Variants in CRB1 observed in about 807,000 individuals in gnomAD.
CRB1 encodes crumbs cell polarity complex component 1.
A neutral mutation model predicts 120.0 loss-of-function variants in CRB1; 83 were observed. That is an observed-to-expected ratio of 0.69 (90% confidence interval 0.58 to 0.83). The LOEUF is 0.83. Among genes scored for constraint, CRB1 ranks in the 40% least tolerant of loss-of-function variants. The pLI is 0.00. For missense variants in CRB1, 1,699 were observed against 1,687.6 expected, an observed-to-expected ratio of 1.01 and a Z score of -0.12; for synonymous variants, 625 against 612.5, an observed-to-expected ratio of 1.02 and a Z score of -0.30.
At chr1:197,349,431 C>G (rs1010827343) in intron 4 of CRB1, among the ~76,000 whole-genome samples, 3 of 152,184 alleles carry the variant, frequency 2.0e-5, no homozygotes, top group African/African-American at 7.2e-5. Context: ...ACAGCATCTC[C>G]TATCTCCTCT....
chr1:197,374,253 G>A (rs1319219129), intron 5 of CRB1, among the ~76,000 whole-genome samples: 1 of 152,132 alleles, frequency 6.6e-6, no homozygotes, highest in African/African-American at 2.4e-5. Context: ...ACAGCCACCA[G>A]AAAACCATAC....
chr1:197,273,683 G>C (rs1655029174), intron 1 of CRB1, among the ~76,000 whole-genome samples: 1 of 151,482 alleles, frequency 6.6e-6, no homozygotes, highest in Non-Finnish European at 1.5e-5. Flanking sequence ...ATTTTATTTT[G>C]TTACTCAAAT....
At chr1:197,210,502 A>G in the CRB1 span, among the ~76,000 whole-genome samples, 1 of 152,028 alleles carries the variant, frequency 6.6e-6, no homozygotes, top group East Asian at 1.9e-4. Context: ...ATCATCTCTT[A>G]CCAGGATTTC....
rs1050404303 is a variant in CRB1 at position 197,329,024 on chromosome 1, A to T, written c.652+21A>T. ...TTCTGGTAAGTGTGATCATATCTGA[A>T]TCACAGATGGTGTAGTTAGCTCTTT... On this transcript the variant is annotated intron_variant, in intron 2 of 11. Transcript: ENST00000367400. 1.9e-6 allele frequency: 3 copies of T among 1,584,776 alleles called. No homozygotes were observed. In the Admixed American group the frequency reaches 5.0e-5, roughly 26 times the overall value.
intron 5 of CRB1, among the ~76,000 whole-genome samples, chr1:197,376,776 TGA>T (rs937939805): frequency 3.8e-4 from 58 of 152,290 alleles, no homozygotes; most frequent in African/African-American, 1.4e-3. Flanking sequence ...TCAGATCATG[TGA>T]GTCTTCCATT....
At chr1:197,314,938 T>G (rs1175786181) in intron 1 of CRB1, among the ~76,000 whole-genome samples, 2 of 152,232 alleles carry the variant, frequency 1.3e-5, no homozygotes, top group African/African-American at 4.8e-5. Context: ...AGTGGCTCTT[T>G]CTTCTCTGGT....
chr1:197,434,735 A>G lies in CRB1; in HGVS notation c.2872A>G (p.Ser958Gly). 3 of 1,613,588 alleles carry G rather than the reference A, an allele frequency of 1.9e-6. No individual in the cohort carries two copies. The highest frequency in any genetic ancestry group is 2.5e-6 in the Non-Finnish European group (3 of 1,179,612). Residue 958 changes from serine to glycine, a missense_variant, in exon 9 of 12, where the codon AGC becomes GGC. Transcript: ENST00000367400. ...CIANAVFNGQ[S>G]GQILFRSNGN... Reference sequence around the variant, plus strand: ...TGCAAATGCTGTTTTTAATGGACAAAGCGGTCAAATATTATTCAGAAGCAA... The same window carrying G: ...TGCAAATGCTGTTTTTAATGGACAAGGCGGTCAAATATTATTCAGAAGCAA...
At chr1:197,225,761 C>CT in the CRB1 span, among the ~76,000 whole-genome samples, 110 of 152,346 alleles carry the variant, frequency 7.2e-4, no homozygotes, top group Admixed American at 3.7e-3. Flanking sequence ...GCAGGAACTG[C>CT]TGTTTCCTTT....
chr1:197,316,488 T>G lies in CRB1; in HGVS notation c.71-11934T>G, dbSNP rs182200715. On this transcript the variant is annotated intron_variant, in intron 1 of 11. Transcript: ENST00000367400. ...GTGAGCCACCGCGCCCGTCCCAGAT[T>G]TTTATATGTGTCTGTTGGAATATAA... Among the ~76,000 whole-genome samples the G allele has an allele frequency of 6.9e-3, 1,048 of 152,346 alleles. 13 individuals are homozygous for G. Among genetic ancestry groups the G allele is most frequent in the Non-Finnish European group, 9.8e-3 (666 of 68,026 alleles).
At chr1:197,455,402 T>G (rs1025463621) in intron 11 of CRB1, among the ~76,000 whole-genome samples, 3 of 152,172 alleles carry the variant, frequency 2.0e-5, no homozygotes, top group African/African-American at 7.2e-5. Context: ...CTATGAAAAA[T>G]AGAGCTGTCA....
At chr1:197,320,078 C>T (rs966333698) in intron 1 of CRB1, among the ~76,000 whole-genome samples, 1 of 152,188 alleles carries the variant, frequency 6.6e-6, no homozygotes, top group African/African-American at 2.4e-5. Context: ...CTCTTAGGCT[C>T]CTTCACTTCA....
chr1:197,321,853 T>C (rs1658215771), intron 1 of CRB1, among the ~76,000 whole-genome samples: 1 of 152,222 alleles, frequency 6.6e-6, no homozygotes, highest in Non-Finnish European at 1.5e-5. Flanking sequence ...ATTGGACTTC[T>C]AACAATTTGA....
At chr1:197,235,187 A>G in the CRB1 span, among the ~76,000 whole-genome samples, 1 of 152,016 alleles carries the variant, frequency 6.6e-6, no homozygotes, top group Admixed American at 6.6e-5. Context: ...TCGGTAGGGG[A>G]ACTTATGTTT....
chr1:197,429,358 A>C, intron 7 of CRB1, 91 bp from the exon 8 acceptor site: 1 of 1,491,796 alleles, frequency 6.7e-7, no homozygotes, highest in Non-Finnish European at 9.3e-7. Context: ...GGAAATTAGC[A>C]TTTTAAAAAA....
the CRB1 span, among the ~76,000 whole-genome samples, chr1:197,214,888 T>G: frequency 6.6e-6 from 1 of 151,482 alleles, no homozygotes. Context: ...AAAAAAAAAT[T>G]ACAGGCTAAT....
At chr1:197,291,526 T>C (rs759836563) in intron 1 of CRB1, among the ~76,000 whole-genome samples, 1 of 151,888 alleles carries the variant, frequency 6.6e-6, no homozygotes, top group Non-Finnish European at 1.5e-5. Flanking sequence ...GATTGACTTT[T>C]ATCTCAATTC....
At chr1:197,358,301 G>A (rs1660591729) in intron 5 of CRB1, among the ~76,000 whole-genome samples, 1 of 152,140 alleles carries the variant, frequency 6.6e-6, no homozygotes, top group Non-Finnish European at 1.5e-5. Flanking sequence ...TTGGAATAAG[G>A]TGAAGGCATT....
At position 197,435,331 on chromosome 1, in the gene CRB1, C is replaced by CTT; in HGVS notation, c.3468_3469insTT (p.Ile1157LeufsTer54). On this transcript the variant is annotated frameshift_variant, in exon 9 of 12. Transcript: ENST00000367400. LOFTEE classifies it high-confidence loss of function. ...GTTTGCATGGAGGAAACTGTGAAGA[C>CTT]ATCTATAGCTCTTATCATTGCTCCT... 1 of 1,613,780 alleles carries CTT rather than the reference C, an allele frequency of 6.2e-7. No individual in the cohort carries two copies. The highest frequency in any genetic ancestry group is 1.3e-5 in the African/African-American group (1 of 75,016).
chr1:197,357,065 A>T (rs772339902), intron 5 of CRB1, 52 bp downstream of exon 5: 5 of 1,576,268 alleles, frequency 3.2e-6, no homozygotes, highest in Non-Finnish European at 4.4e-6. Context: ...TTTATGGCAG[A>T]CCATGGCTTT....
Sources: allele counts gnomAD v4.1 joint callset (sites outside exome capture counted in the v4.1 genomes callset), GRCh38; gene constraint gnomAD v4.1.1; transcripts MANE v1.5; gene names NCBI Gene and HGNC (gene_info 2026-07-23, HGNC 2026-07-21).